MAP4K5: variants seen among roughly 807,000 people sequenced by gnomAD.
MAP4K5 encodes MAPK/ERK kinase kinase kinase 5.
Under a neutral mutation model 135.6 loss-of-function variants are expected in MAP4K5, and 82 were observed. That is an observed-to-expected ratio of 0.60 (90% CI 0.51 to 0.73). MAP4K5 has a LOEUF of 0.73. Among genes scored for constraint, MAP4K5 ranks in the 30% least tolerant of loss-of-function variants. The pLI, the probability that MAP4K5 is intolerant of heterozygous loss-of-function variation, is 0.00. For missense variants in MAP4K5, 907 were observed against 1,010.9 expected (o/e 0.90, Z 1.39); for synonymous variants, 347 against 335.0 (o/e 1.04, Z -0.39).
intron 2 of MAP4K5, among the ~76,000 whole-genome samples, chr14:50,537,984 T>C (rs1173139003): frequency 2.0e-5 from 3 of 152,086 alleles, no homozygotes; most frequent in African/African-American, 7.2e-5. Flanking sequence ...GAAGGCATGA[T>C]TGGTTTTGAA....
chr14:50,523,225 C>A (rs2131838), intron 2 of MAP4K5, among the ~76,000 whole-genome samples: 1 of 151,904 alleles, frequency 6.6e-6, no homozygotes, highest in African/African-American at 2.4e-5. Flanking sequence ...GCAGGAGAAT[C>A]GCTTGAACCT....
intron 15 of MAP4K5, 58 bp downstream of exon 15, chr14:50,448,714 CAA>C (rs59198763): frequency 6.0e-6 from 6 of 995,082 alleles, no homozygotes; most frequent in African/African-American, 5.0e-5. Flanking sequence ...GTACAACTAA[CAA>C]AAAAAAAGTT....
intron 3 of MAP4K5, among the ~76,000 whole-genome samples, chr14:50,499,340 A>C (rs2037659265): frequency 6.6e-6 from 1 of 152,132 alleles, no homozygotes; most frequent in African/African-American, 2.4e-5. Flanking sequence ...ACTAATAAAA[A>C]CATTGGAACC....
intron 31 of MAP4K5, among the ~76,000 whole-genome samples, chr14:50,424,331 A>C (rs1437575025): frequency 2.6e-5 from 4 of 152,326 alleles, no homozygotes; most frequent in African/African-American, 9.6e-5. Flanking sequence ...GGAATGACTG[A>C]GTATTACTTT....
intron 31 of MAP4K5, 89 bp from the exon 32 acceptor site, chr14:50,423,265 C>T (rs1168569280): frequency 5.4e-6 from 3 of 557,660 alleles, no homozygotes; most frequent in African/African-American, 3.8e-5. Context: ...ATTATTAACA[C>T]AATAAATATT....
chr14:50,514,352 G>A (rs2037989445), intron 2 of MAP4K5, among the ~76,000 whole-genome samples: 1 of 152,032 alleles, frequency 6.6e-6, no homozygotes, highest in African/African-American at 2.4e-5. Flanking sequence ...CAAAGTGCTG[G>A]GATTACAGGC....
At chr14:50,437,807 A>C in intron 25 of MAP4K5, 87 bp downstream of exon 25, 1 of 885,976 alleles carries the variant, frequency 1.1e-6, no homozygotes, top group Non-Finnish European at 1.8e-6. Flanking sequence ...ATTAAGACAT[A>C]GTTTTTTACT....
At chr14:50,474,122 G>T (rs1363399435) in intron 9 of MAP4K5, among the ~76,000 whole-genome samples, 1 of 151,970 alleles carries the variant, frequency 6.6e-6, no homozygotes, top group Non-Finnish European at 1.5e-5. Context: ...ATCCAAATTG[G>T]CTAAGCACAG....
At chr14:50,446,221 G>T in intron 16 of MAP4K5, 100 bp from the exon 17 acceptor site, 1 of 691,322 alleles carries the variant, frequency 1.4e-6, no homozygotes, top group Non-Finnish European at 2.4e-6. Flanking sequence ...CTATACAGAG[G>T]ATGTAAAAGA....
Position 50,419,127 on chromosome 14 carries a change from G to T in MAP4K5, c.*892C>A, listed in dbSNP as rs2035668035. On this transcript the variant is annotated 3_prime_UTR_variant, in exon 33 of 33. Transcript: ENST00000682126. Reference sequence around the variant, plus strand: ...TAAATACTTCCCCCTGCTACATTAGGGATGATAATATATATGAAGATTAAT... The same window carrying T: ...TAAATACTTCCCCCTGCTACATTAGTGATGATAATATATATGAAGATTAAT... 6.6e-6 allele frequency: 1 copy of T among 151,876 alleles called. No homozygotes were observed. The highest frequency in any genetic ancestry group is 2.4e-5 in the African/African-American group (1 of 41,346). The allele number at this position is 151,876 out of a possible 1,614,324, so 9.4% of individuals were successfully genotyped here.
chr14:50,475,316 T>C (rs1458345710), intron 8 of MAP4K5, among the ~76,000 whole-genome samples, 167 bp from the exon 9 acceptor site: 2 of 152,118 alleles, frequency 1.3e-5, no homozygotes, highest in Admixed American at 6.5e-5. Flanking sequence ...AACATACTTA[T>C]TAAAAAAATT....
intron 2 of MAP4K5, among the ~76,000 whole-genome samples, chr14:50,527,942 A>G (rs1164086444): frequency 1.3e-5 from 2 of 152,164 alleles, no homozygotes; most frequent in African/African-American, 4.8e-5. Context: ...GGGCTGCCCA[A>G]ATGGCTTGTA....
At chr14:50,498,934 C>A (rs1484761461) in intron 3 of MAP4K5, among the ~76,000 whole-genome samples, 1 of 152,150 alleles carries the variant, frequency 6.6e-6, no homozygotes, top group Non-Finnish European at 1.5e-5. Flanking sequence ...GTTGAGAATT[C>A]ATTTTTGAAA....
chr14:50,487,806 C>T lies in MAP4K5; in HGVS notation c.167-1612G>A, dbSNP rs948302643. On this transcript the variant is annotated intron_variant, in intron 3 of 32. Transcript: ENST00000682126. The stretch of plus-strand genomic sequence containing the variant: ...AGGCCCTGCTTTCTGTGTTCACTCG[C>T]GGGCACCAGAATACTTTCTTCTTTT... 5.3e-5 allele frequency among the ~76,000 whole-genome samples: 8 copies of T among 152,190 alleles called. No homozygotes were observed. In the South Asian group the frequency reaches 6.2e-4, roughly 12 times the overall value.
At chr14:50,549,159 G>A (rs2038671084) in intron 1 of MAP4K5, among the ~76,000 whole-genome samples, 1 of 152,156 alleles carries the variant, frequency 6.6e-6, no homozygotes, top group Admixed American at 6.5e-5. Flanking sequence ...GCCAACCATT[G>A]TATATAAGGG....
chr14:50,453,355 T>C (rs1384580318), intron 14 of MAP4K5, among the ~76,000 whole-genome samples: 1 of 151,814 alleles, frequency 6.6e-6, no homozygotes, highest in Non-Finnish European at 1.5e-5. Context: ...GAAATCTGTC[T>C]TGCCATTCAT....
At chr14:50,458,603 TC>T (rs1566654314) in intron 13 of MAP4K5, among the ~76,000 whole-genome samples, 2 of 152,140 alleles carry the variant, frequency 1.3e-5, no homozygotes, top group African/African-American at 2.4e-5. Flanking sequence ...AACTCTCCTT[TC>T]TTCTTTCAAT....
At chr14:50,432,556 C>A (rs2035993734) in intron 28 of MAP4K5, among the ~76,000 whole-genome samples, 1 of 139,964 alleles carries the variant, frequency 7.1e-6, no homozygotes, top group African/African-American at 3.0e-5. Flanking sequence ...ACAAAACTCT[C>A]AAAAAAAAAA....
chr14:50,551,057 CA>C (rs1287452416), intron 1 of MAP4K5, among the ~76,000 whole-genome samples: 2 of 150,738 alleles, frequency 1.3e-5, no homozygotes, highest in Non-Finnish European at 3.0e-5. Context: ...GAAATTGAAA[CA>C]AAAAAAATTC....
Sources: allele counts gnomAD v4.1 joint callset (sites outside exome capture counted in the v4.1 genomes callset), GRCh38; gene constraint gnomAD v4.1.1; transcripts MANE v1.5; gene names NCBI Gene and HGNC (gene_info 2026-07-23, HGNC 2026-07-21).